PCDHGB1: variants seen among roughly 807,000 people sequenced by gnomAD.
PCDHGB1 encodes the protein protocadherin gamma subfamily B, 1, also known as protocadherin gamma-B1.
PCDHGB1 carries 34 observed loss-of-function variants against 56.6 expected under a neutral mutation model. That is an observed-to-expected ratio of 0.60 (90% CI 0.46 to 0.80). The LOEUF (loss-of-function observed/expected upper bound fraction) is 0.80. PCDHGB1 is among the 30% of genes least tolerant of loss of function. The pLI, the probability that PCDHGB1 is intolerant of heterozygous loss-of-function variation, is 0.00. For synonymous variants in PCDHGB1, 561 were observed against 505.9 expected (o/e 1.11, Z -1.46); for missense variants, 1,278 against 1,204.6 (o/e 1.06, Z -0.90).
intron 1 of PCDHGB1, chr5:141,414,287 C>G: frequency 6.2e-7 from 1 of 1,613,434 alleles, no homozygotes; most frequent in Non-Finnish European, 8.5e-7. Flanking sequence ...ACAGTCGTAG[C>G]CCTTTTAAAT....
intron 1 of PCDHGB1, among the ~76,000 whole-genome samples, chr5:141,436,594 G>T (rs79477223): frequency 0.052 from 7,980 of 152,210 alleles, 223 homozygotes; most frequent in South Asian, 0.079. Flanking sequence ...AAAGGTCGTG[G>T]TGATGGCTAG....
Position 141,463,645 on chromosome 5 carries a change from G to T in PCDHGB1, c.2410-31162G>T, listed in dbSNP as rs372962993. ...TTGTATTTTGTTTAGTAGAGACGGG[G>T]TTTCACCGTGTTAGCCAGGATGGTC... On this transcript the variant is annotated intron_variant, in intron 1 of 3. Transcript: ENST00000523390. 7.9e-5 allele frequency among the ~76,000 whole-genome samples: 12 copies of T among 151,840 alleles called. No individual in the cohort carries two copies. In the East Asian group the frequency reaches 2.1e-3, roughly 27 times the overall value.
intron 1 of PCDHGB1, among the ~76,000 whole-genome samples, chr5:141,494,135 GTCAC>G (rs1365926534): frequency 3.3e-5 from 5 of 152,202 alleles, no homozygotes; most frequent in Admixed American, 6.5e-5. Flanking sequence ...CTTCTCCTTA[GTCAC>G]AGACCATTGT....
rs142703691 is a variant in PCDHGB1 at position 141,489,691 on chromosome 5, C to T, written c.2410-5116C>T. On this transcript the variant is annotated intron_variant, in intron 1 of 3. Transcript: ENST00000523390. The surrounding 1 kb of genome is among the most constrained non-coding windows in gnomAD (Gnocchi z 4.5). ...CTCAGAATCAGCAGCATCTGGGGCACGATTCCCACTGGACAGTGCCCAGGA... is the reference window on the plus strand; with the variant it reads ...CTCAGAATCAGCAGCATCTGGGGCATGATTCCCACTGGACAGTGCCCAGGA... 8.1e-6 allele frequency: 13 copies of T among 1,614,164 alleles called. No individual in the cohort carries two copies. The highest frequency in any genetic ancestry group is 3.3e-5 in the South Asian group (3 of 91,080).
At chr5:141,495,164 C>T (rs1326419591) in intron 2 of PCDHGB1, among the ~76,000 whole-genome samples, 4 of 152,198 alleles carry the variant, frequency 2.6e-5, no homozygotes, top group Admixed American at 1.3e-4. Context: ...AAGCTGGTCT[C>T]TGGGTGAAAG....
chr5:141,354,914 A>G (rs1260517070), intron 1 of PCDHGB1: 3 of 410,088 alleles, frequency 7.3e-6, no homozygotes, highest in African/African-American at 2.0e-5. Context: ...AGAAAAGTGT[A>G]TAAAAAATAA....
chr5:141,485,239 C>T lies in PCDHGB1; in HGVS notation c.2410-9568C>T. ...GGGCTACCCTTTTGTTCCTCTTTTA[C>T]CACCTGGGTTACGTTTGTGGGCAGA... On this transcript the variant is annotated intron_variant, in intron 1 of 3. Transcript: ENST00000523390. This position sits in a 1 kb window ranked among gnomAD's most constrained non-coding sequence, Gnocchi z 5.7. The T allele has an allele frequency of 6.2e-7, 1 of 1,614,140 alleles. No homozygotes were observed. Among genetic ancestry groups the T allele is most frequent in the South Asian group, 1.1e-5 (1 of 91,072 alleles).
At chr5:141,389,571 C>T (rs2091830159) in intron 1 of PCDHGB1, 2 of 1,613,136 alleles carry the variant, frequency 1.2e-6, no homozygotes, top group East Asian at 2.2e-5. Context: ...GGTGCTGTAC[C>T]CCGCGCTGGG....
chr5:141,409,882 G>A, intron 1 of PCDHGB1: 1 of 1,613,006 alleles, frequency 6.2e-7, no homozygotes, highest in Non-Finnish European at 8.5e-7. Context: ...ACAACGCACC[G>A]CGGGTGCTGT....
At chr5:141,459,136 T>C (rs1044347522) in intron 1 of PCDHGB1, among the ~76,000 whole-genome samples, 2 of 152,224 alleles carry the variant, frequency 1.3e-5, no homozygotes, top group Non-Finnish European at 2.9e-5. Context: ...GTAACCACCA[T>C]GCAATCAAAA....
rs17097251 is a variant in PCDHGB1 at position 141,383,615 on chromosome 5, C to T, written c.2409+30946C>T. On this transcript the variant is annotated intron_variant, in intron 1 of 3. Coordinates refer to ENST00000523390, the MANE Select transcript of PCDHGB1 (RefSeq NM_018922.3). ...ACAGTGGTGGATGTGAATGACCACA[C>T]GCCTGTCTTCTCTCTGCCTCAGTAC... 8,353 of 1,613,802 alleles carry T rather than the reference C, an allele frequency of 5.2e-3. 355 individuals are homozygous for T. The African/African-American group carries it at 0.098, about 19-fold the overall frequency.
In PCDHGB1 at chr5:141,486,043, A is replaced by G. The variant is rs1193580610; in HGVS notation, c.2410-8764A>G. 6.2e-7 allele frequency: 1 copy of G among 1,614,050 alleles called. No homozygotes were observed. Among genetic ancestry groups the G allele is most frequent in the African/African-American group, 1.3e-5 (1 of 74,918 alleles). ...GTGGTCATACCCCTGATCGTGTAAG[A>G]AACCTCTTTAGCCTGCACCCCACTA... On this transcript the variant is annotated intron_variant, in intron 1 of 3. Transcript: ENST00000523390. This position sits in a 1 kb window ranked among gnomAD's most constrained non-coding sequence, Gnocchi z 5.0.
In PCDHGB1 at chr5:141,419,962, GCT is replaced by G. The variant is rs1374844110; in HGVS notation, c.2409+67296_2409+67297del. ...TGGTGGCCTTGGCCTTGATTTCTGTGCTCTTTCTCCTCGCGGTGATTCTAGCT... is the reference window on the plus strand; with the variant it reads ...TGGTGGCCTTGGCCTTGATTTCTGTGCTTTCTCCTCGCGGTGATTCTAGCT... On this transcript the variant is annotated intron_variant, in intron 1 of 3. Coordinates refer to ENST00000523390, the MANE Select transcript of PCDHGB1 (RefSeq NM_018922.3). The G allele has an allele frequency of 3.1e-6, 5 of 1,613,974 alleles. No homozygotes were observed. In the African/African-American group the frequency reaches 4.0e-5, roughly 13 times the overall value.
chr5:141,461,072 A>C (rs555905734), intron 1 of PCDHGB1, among the ~76,000 whole-genome samples: 1 of 151,688 alleles, frequency 6.6e-6, no homozygotes, highest in African/African-American at 2.4e-5. Context: ...ACATTTTTGC[A>C]ATTGTGAATT....
intron 1 of PCDHGB1, chr5:141,395,150 C>G: frequency 6.2e-7 from 1 of 1,614,162 alleles, no homozygotes; most frequent in Non-Finnish European, 8.5e-7. Flanking sequence ...CAGACATGCT[C>G]ATCAGTCAGG....
chr5:141,466,090 C>A (rs983505253), intron 1 of PCDHGB1, among the ~76,000 whole-genome samples: 2 of 152,068 alleles, frequency 1.3e-5, no homozygotes, highest in African/African-American at 4.8e-5. Context: ...CCACTGCACT[C>A]CAGCCTGGGC....
intron 1 of PCDHGB1, chr5:141,402,901 T>C: frequency 1.3e-6 from 2 of 1,520,230 alleles, no homozygotes; most frequent in Non-Finnish European, 1.8e-6. Flanking sequence ...AAGAACCTGA[T>C]GAAGCAGCGC....
At chr5:141,468,425 T>TA (rs2099167168) in intron 1 of PCDHGB1, 1 of 151,612 alleles carries the variant, frequency 6.6e-6, no homozygotes, top group Non-Finnish European at 1.5e-5. Context: ...GATAGCAAGG[T>TA]AATAGCAAAA....
chr5:141,399,937 G>A lies in PCDHGB1; in HGVS notation c.2409+47268G>A. 1.9e-6 allele frequency: 3 copies of A among 1,612,360 alleles called. No individual in the cohort carries two copies. The highest frequency in any genetic ancestry group is 2.5e-6 in the Non-Finnish European group (3 of 1,179,744). ...ACACAACGCCTGGCTGTCCTACCAC[G>A]TGCTGCAGGCTAGCGAGCCCGGGCT... On this transcript the variant is annotated intron_variant, in intron 1 of 3. Transcript: ENST00000523390.
Sources: allele counts gnomAD v4.1 joint callset (sites outside exome capture counted in the v4.1 genomes callset), GRCh38; gene constraint gnomAD v4.1.1; non-coding constraint Gnocchi (gnomAD v3.1); transcripts MANE v1.5; gene names NCBI Gene and HGNC (gene_info 2026-07-23, HGNC 2026-07-21).